CSMD2: variants seen among roughly 807,000 people sequenced by gnomAD.
CSMD2 encodes CUB and Sushi multiple domains 2.
In CSMD2, 130 loss-of-function variants were observed where a neutral mutation model predicts 398.5. The ratio of observed to expected loss-of-function variants is 0.33; its 90% confidence interval spans 0.28 to 0.38. The LOEUF is 0.38. CSMD2 is among the 10% of genes least tolerant of loss of function. CSMD2 has a pLI of 1.00. For synonymous variants in CSMD2, 1,828 were observed against 1,908.5 expected, an observed-to-expected ratio of 0.96 and a Z score of 1.10; for missense variants, 3,829 against 4,764.9, an observed-to-expected ratio of 0.80 and a Z score of 5.78.
intron 39 of CSMD2, among the ~76,000 whole-genome samples, chr1:33,615,901 C>T (rs1357294569): frequency 6.6e-6 from 1 of 152,228 alleles, no homozygotes; most frequent in Non-Finnish European, 1.5e-5. Flanking sequence ...ACCTCACAAT[C>T]GACTGGGCAC....
chr1:33,521,394 G>GACCACGGCAC lies in CSMD2; in HGVS notation c.10597+59_10597+68dup, dbSNP rs1433988612. The GACCACGGCAC allele has an allele frequency of 6.4e-6, 7 of 1,091,858 alleles. No homozygotes were observed. In the Admixed American group the frequency reaches 1.0e-4, roughly 16 times the overall value. 67.6% of individuals were successfully genotyped at this position (1,091,858 alleles called of 1,614,324 possible). A position where few individuals can be genotyped will look rare whatever the true frequency, so the allele number is the denominator to read the frequency against. On this transcript the variant is annotated intron_variant, in intron 68 of 70. Coordinates refer to ENST00000373381, the MANE Select transcript of CSMD2 (RefSeq NM_001281956.2). ...GTTCAACTTCCCCAGTCCTCTACCT[G>GACCACGGCAC]ACCACGGCACACACGGTTTCTCTCC...
intron 41 of CSMD2, 64 bp from the exon 42 acceptor site, chr1:33,605,534 A>G: frequency 6.5e-7 from 1 of 1,527,366 alleles, no homozygotes; most frequent in Non-Finnish European, 9.0e-7. Context: ...AGCGGCAGAA[A>G]GCATAGTGGT....
chr1:33,826,123 C>T (rs1045936014), intron 6 of CSMD2, among the ~76,000 whole-genome samples: 4 of 152,168 alleles, frequency 2.6e-5, no homozygotes, highest in Admixed American at 6.5e-5. Flanking sequence ...TCATGAGCGT[C>T]GACGTGTGCA....
chr1:34,016,779 C>A (rs1178119055), intron 3 of CSMD2, among the ~76,000 whole-genome samples: 1 of 148,970 alleles, frequency 6.7e-6, no homozygotes, highest in Non-Finnish European at 1.5e-5. Context: ...ATTTAGTTTA[C>A]TATTTGATAT....
At chr1:33,954,310 G>T (rs1438242939) in intron 3 of CSMD2, among the ~76,000 whole-genome samples, 1 of 152,030 alleles carries the variant, frequency 6.6e-6, no homozygotes, top group African/African-American at 2.4e-5. Context: ...TTCCACAGCT[G>T]ATTGGTACTG....
intron 22 of CSMD2, 77 bp downstream of exon 22, chr1:33,709,012 C>A: frequency 7.6e-7 from 1 of 1,310,622 alleles, no homozygotes; most frequent in East Asian, 2.4e-5. Flanking sequence ...GGATCATTCA[C>A]ACAGAGACAA....
At chr1:34,061,233 C>T (rs1045202139) in intron 2 of CSMD2, among the ~76,000 whole-genome samples, 5 of 152,192 alleles carry the variant, frequency 3.3e-5, no homozygotes, top group Non-Finnish European at 7.3e-5. Flanking sequence ...TCCTGAATAT[C>T]GAGGGTGCCA....
rs952450358 is a variant in CSMD2, at chr1:33,908,331, A to G, written c.920+9763T>C. ...TCAGAATGAAGCAACATCATTCCAG[A>G]AGACAGGTCTTGCCAGAACAAGGGG... On this transcript the variant is annotated intron_variant, in intron 5 of 70. Coordinates refer to ENST00000373381, the MANE Select transcript of CSMD2 (RefSeq NM_001281956.2). Among the ~76,000 whole-genome samples the G allele has an allele frequency of 3.7e-4, 56 of 152,206 alleles. 1 individual carries two copies. The highest frequency in any genetic ancestry group is 1.2e-3 in the African/African-American group (51 of 41,452).
chr1:33,619,696 T>C (rs1641639638), intron 37 of CSMD2, among the ~76,000 whole-genome samples: 1 of 152,134 alleles, frequency 6.6e-6, no homozygotes, highest in South Asian at 2.1e-4. Flanking sequence ...TCCTCACACT[T>C]TTCCCAGGCA....
chr1:33,603,512 G>T (rs1211133659), intron 42 of CSMD2, among the ~76,000 whole-genome samples: 1 of 152,158 alleles, frequency 6.6e-6, no homozygotes, highest in African/African-American at 2.4e-5. Flanking sequence ...GAGGCCAGGG[G>T]TCCTGTGAAT....
At chr1:34,035,747 A>C (rs1016651147) in intron 2 of CSMD2, among the ~76,000 whole-genome samples, 4 of 152,052 alleles carry the variant, frequency 2.6e-5, no homozygotes, top group Non-Finnish European at 4.4e-5. Flanking sequence ...ACAAAAAAAA[A>C]AAAACAGTAG....
chr1:33,521,633 G>T, intron 67 of CSMD2, 83 bp from the exon 68 acceptor site: 1 of 900,430 alleles, frequency 1.1e-6, no homozygotes, highest in Non-Finnish European at 1.9e-6. Context: ...ACGCTGCCCA[G>T]CAGGTCACCC....
intron 2 of CSMD2, among the ~76,000 whole-genome samples, chr1:34,062,828 C>T (rs931304227): frequency 6.6e-6 from 1 of 152,182 alleles, no homozygotes; most frequent in Non-Finnish European, 1.5e-5. Context: ...TATGGCCAAA[C>T]CCTTATGGGC....
At position 34,118,235 on chromosome 1, in the gene CSMD2, A is replaced by G. The variant is rs61036047; in HGVS notation, c.188-29042T>C. ...TGTCTCAAAATAAAAAAGAAGAAAC[A>G]CTCAACAAACTAGGAATAGAAAGAA... On this transcript the variant is annotated intron_variant, in intron 1 of 70. Transcript: ENST00000373381. Among the ~76,000 whole-genome samples, 1,169 of 152,072 alleles carry G rather than the reference A, an allele frequency of 7.7e-3. 24 individuals are homozygous for G. Among genetic ancestry groups the G allele is most frequent in the African/African-American group, 0.027 (1,110 of 41,484 alleles).
chr1:33,839,135 G>C (rs1324438238), intron 6 of CSMD2: 1 of 152,328 alleles, frequency 6.6e-6, no homozygotes, highest in East Asian at 1.9e-4. Context: ...GAATGAATTA[G>C]ACAACAGAGA....
chr1:34,014,359 T>C (rs1419846806), intron 3 of CSMD2, among the ~76,000 whole-genome samples: 1 of 152,246 alleles, frequency 6.6e-6, no homozygotes, highest in African/African-American at 2.4e-5. Context: ...CTTCCCATAA[T>C]GTAAAGGCTG....
At chr1:33,842,874 T>G (rs1396913348) in intron 6 of CSMD2, among the ~76,000 whole-genome samples, 1 of 152,244 alleles carries the variant, frequency 6.6e-6, no homozygotes, top group Admixed American at 6.5e-5. Flanking sequence ...TTTAGACGCA[T>G]GGAAGTAGTT....
At chr1:34,146,423 A>C (rs188027166) in intron 1 of CSMD2, among the ~76,000 whole-genome samples, 19 of 152,254 alleles carry the variant, frequency 1.2e-4, no homozygotes, top group Middle Eastern at 3.4e-3. Flanking sequence ...CTTCTCATTG[A>C]CCTTTGTCTT....
Position 33,572,582 on chromosome 1 carries a change from C to T in CSMD2, c.7686G>A (p.Gln2562=). Residue 2562 remains glutamine, a synonymous_variant, in exon 50 of 71, where the codon CAG becomes CAA. Coordinates refer to ENST00000373381, the MANE Select transcript of CSMD2 (RefSeq NM_001281956.2). ...ACTCTGCAGTGGCCTCAGCGCCTGC[C>T]TGGAGGTGGTAGCCTTCACTGCAGC... ...MYSCSEGYHL[Q]AGAEATAECL... The T allele has an allele frequency of 6.2e-7, 1 of 1,614,110 alleles. No individual in the cohort carries two copies. Among genetic ancestry groups the T allele is most frequent in the Non-Finnish European group, 8.5e-7 (1 of 1,179,962 alleles).
Sources: gnomAD v4.1 joint callset for allele counts (sites outside exome capture counted in the v4.1 genomes callset) on GRCh38, gnomAD v4.1.1 for gene constraint, MANE v1.5 for transcripts, NCBI Gene and HGNC (gene_info 2026-07-23, HGNC 2026-07-21) for gene names.